SEC61A2: variants seen among roughly 807,000 people sequenced by gnomAD.
SEC61A2 encodes the protein protein transport protein Sec61 subunit alpha isoform 2.
In SEC61A2, 28 loss-of-function variants were observed where a neutral mutation model predicts 59.9. The observed-to-expected ratio is 0.47, with a 90% CI of 0.35 to 0.64. The LOEUF is 0.64. SEC61A2 is among the 30% of genes least tolerant of loss of function. The probability of loss-of-function intolerance (pLI) is 0.01; values close to 1 mark genes in which losing one functional copy is unlikely to be tolerated. For synonymous variants in SEC61A2, 202 were observed against 214.4 expected, an observed-to-expected ratio of 0.94 and a Z score of 0.50; for missense variants, 340 against 585.9, an observed-to-expected ratio of 0.58 and a Z score of 4.33.
downstream of SEC61A2, chr10:12,166,799 A>G: frequency 2.1e-6 from 1 of 478,372 alleles, no homozygotes; most frequent in South Asian, 1.5e-5. Context: ...AAAATGGCCC[A>G]GGAACACTGG....
chr10:12,143,918 A>G lies in SEC61A2; in HGVS notation c.220+723A>G, dbSNP rs1202249029. On this transcript the variant is annotated intron_variant, in intron 4 of 11. Coordinates refer to ENST00000298428, the MANE Select transcript of SEC61A2 (RefSeq NM_018144.4). The surrounding 1 kb of genome is among the most constrained non-coding windows in gnomAD (Gnocchi z 4.8). ...GGAACAGTGGTTGCCTCTTTTTTGGAAACACTTTTTTCAGGCGATCCTCCC... is the reference window on the plus strand; with the variant it reads ...GGAACAGTGGTTGCCTCTTTTTTGGGAACACTTTTTTCAGGCGATCCTCCC... Among the ~76,000 whole-genome samples, 1 of 151,962 alleles carries G rather than the reference A, an allele frequency of 6.6e-6. No homozygotes were observed. Among genetic ancestry groups the G allele is most frequent in the African/African-American group, 2.4e-5 (1 of 41,370 alleles).
Position 12,162,277 on chromosome 10 carries a change from A to G in SEC61A2, c.1232A>G (p.His411Arg). The change falls in exon 11 of 12, where the codon CAT (histidine) becomes CGT (arginine). Residue 411 changes from histidine to arginine, a missense_variant. This residue lies in a region of SEC61A2 where 283 missense variants were observed against 483.2 expected (regional missense o/e 0.59). Transcript: ENST00000298428. This position sits in a 1 kb window ranked among gnomAD's most constrained non-coding sequence, Gnocchi z 6.1. Reference sequence around the variant, plus strand: ...GGCCACCGAGATACCTCTATGGTTCATGAGCTTAATAGGTAAGGCTGCTAG... The same window carrying G: ...GGCCACCGAGATACCTCTATGGTTCGTGAGCTTAATAGGTAAGGCTGCTAG... ...MRGHRDTSMV[H>R]ELNRYIPTAA... 3.1e-6 allele frequency: 5 copies of G among 1,613,374 alleles called. No individual in the cohort carries two copies. The highest frequency in any genetic ancestry group is 4.2e-6 in the Non-Finnish European group (5 of 1,179,398).
chr10:12,134,421 C>G, intron 2 of SEC61A2, among the ~76,000 whole-genome samples: 1 of 152,208 alleles, frequency 6.6e-6, no homozygotes, highest in Non-Finnish European at 1.5e-5. Context: ...CTGTCACCAG[C>G]AGGCCCACCT....
In SEC61A2 at chr10:12,158,504, G is replaced by T. The variant is rs1203990902; in HGVS notation, c.975+399G>T. On this transcript the variant is annotated intron_variant, in intron 9 of 11. Transcript: ENST00000298428. The surrounding 1 kb of genome is among the most constrained non-coding windows in gnomAD (Gnocchi z 5.7). ...CCAGGACTTTGGGAGGCTGAGGTGGGTGGATCACCTGAGGTCAGGAGTTCG... is the reference window on the plus strand; with the variant it reads ...CCAGGACTTTGGGAGGCTGAGGTGGTTGGATCACCTGAGGTCAGGAGTTCG... 6.6e-6 allele frequency among the ~76,000 whole-genome samples: 1 copy of T among 152,188 alleles called. No homozygotes were observed. Among genetic ancestry groups the T allele is most frequent in the Non-Finnish European group, 1.5e-5 (1 of 68,042 alleles).
intron 3 of SEC61A2, among the ~76,000 whole-genome samples, chr10:12,141,877 C>G (rs113069351): frequency 1.3e-5 from 2 of 152,090 alleles, no homozygotes; most frequent in East Asian, 1.9e-4. Flanking sequence ...CAAAATGACC[C>G]GCAAACACTG....
In SEC61A2 at chr10:12,145,747, G is replaced by C. The variant is rs2131662585; in HGVS notation, c.220+2552G>C. On this transcript the variant is annotated intron_variant, in intron 4 of 11. Transcript: ENST00000298428. This position sits in a 1 kb window ranked among gnomAD's most constrained non-coding sequence, Gnocchi z 4.4. The stretch of plus-strand genomic sequence containing the variant: ...CTCTCTCCAGCCTTGTTAGGATGTT[G>C]GAACATTACCCATCTGACATGAAAA... 6.6e-6 allele frequency among the ~76,000 whole-genome samples: 1 copy of C among 152,182 alleles called. No homozygotes were observed. Among genetic ancestry groups the C allele is most frequent in the East Asian group, 1.9e-4 (1 of 5,182 alleles).
chr10:12,163,313 T>C (rs984221899), intron 11 of SEC61A2, among the ~76,000 whole-genome samples: 2 of 1,264 alleles, frequency 1.6e-3, no homozygotes, highest in Non-Finnish European at 2.7e-3. Flanking sequence ...GCCAGCTAGC[T>C]TTTTTTTTTT....
chr10:12,139,892 C>T (rs990687057), intron 3 of SEC61A2, among the ~76,000 whole-genome samples: 5 of 151,290 alleles, frequency 3.3e-5, no homozygotes, highest in African/African-American at 1.2e-4. Context: ...TGGCGTGAAC[C>T]CGGGAGGCGG....
Position 12,156,810 on chromosome 10 carries a change from T to A in SEC61A2, c.617-97T>A. 1 of 1,218,412 alleles carries A rather than the reference T, an allele frequency of 8.2e-7. No homozygotes were observed. The highest frequency in any genetic ancestry group is 1.2e-6 in the Non-Finnish European group (1 of 857,416). The allele number at this position is 1,218,412 out of a possible 1,614,324, so 75.5% of individuals were successfully genotyped here. A position where few individuals can be genotyped will look rare whatever the true frequency, so the allele number is the denominator to read the frequency against. ...CATTGGCGAATTCTTTTGACCCATATTTTCTGCTGTATACTGGACTTTCAC... is the reference window on the plus strand; with the variant it reads ...CATTGGCGAATTCTTTTGACCCATAATTTCTGCTGTATACTGGACTTTCAC... On this transcript the variant is annotated intron_variant, in intron 7 of 11. Transcript: ENST00000298428. The surrounding 1 kb of genome is among the most constrained non-coding windows in gnomAD (Gnocchi z 5.2).
intron 1 of SEC61A2, among the ~76,000 whole-genome samples, chr10:12,132,400 C>T (rs892229905): frequency 1.3e-5 from 2 of 151,926 alleles, no homozygotes; most frequent in Non-Finnish European, 1.5e-5. Context: ...GATCGCTTGA[C>T]GTTAGGAGTT....
intron 4 of SEC61A2, among the ~76,000 whole-genome samples, chr10:12,148,543 C>CA (rs1554798650): frequency 6.9e-6 from 1 of 145,092 alleles, no homozygotes; most frequent in Non-Finnish European, 1.5e-5. Flanking sequence ...CCACACCCGG[C>CA]TTTTTTTTTT....
chr10:12,152,148 A>G lies in SEC61A2; in HGVS notation c.462+2187A>G, dbSNP rs1834289709. On this transcript the variant is annotated intron_variant, in intron 6 of 11. Coordinates refer to ENST00000298428, the MANE Select transcript of SEC61A2 (RefSeq NM_018144.4). The surrounding 1 kb of genome is among the most constrained non-coding windows in gnomAD (Gnocchi z 5.5). ...TCCCAGACTAAAGTGCAGTGGTGCAATCTTGGCTCACTGCAACCTCCGCCT... is the reference window on the plus strand; with the variant it reads ...TCCCAGACTAAAGTGCAGTGGTGCAGTCTTGGCTCACTGCAACCTCCGCCT... Among the ~76,000 whole-genome samples the G allele has an allele frequency of 6.7e-6, 1 of 150,336 alleles. No individual in the cohort carries two copies. The highest frequency in any genetic ancestry group is 1.5e-5 in the Non-Finnish European group (1 of 67,714).
intron 3 of SEC61A2, among the ~76,000 whole-genome samples, chr10:12,139,968 CAAAAA>C (rs776277274): frequency 1.9e-5 from 1 of 52,578 alleles, no homozygotes. Flanking sequence ...GACTCCATCT[CAAAAA>C]AAAAAAAAAA....
In SEC61A2 at chr10:12,158,083, T is replaced by C. The variant is rs138748057; in HGVS notation, c.953T>C (p.Val318Ala). The C allele has an allele frequency of 3.1e-6, 5 of 1,613,514 alleles. No homozygotes were observed. Among genetic ancestry groups the C allele is most frequent in the Non-Finnish European group, 4.2e-6 (5 of 1,179,486 alleles). ...GTTCGATTTAGTGGCAACTTTTTAGTAAATTTACTAGGACAGTGGGCCGTG... is the reference window on the plus strand; with the variant it reads ...GTTCGATTTAGTGGCAACTTTTTAGCAAATTTACTAGGACAGTGGGCCGTG... ...LSVRFSGNFL[V>A]NLLGQWADVS... Residue 318 changes from valine to alanine, a missense_variant, in exon 9 of 12, where the codon GTA becomes GCA. Around this residue, in one of 3 missense-constraint regions of SEC61A2, gnomAD observed 283 missense variants for 483.2 expected, o/e 0.59. Transcript: ENST00000298428. This position sits in a 1 kb window ranked among gnomAD's most constrained non-coding sequence, Gnocchi z 5.7.
In SEC61A2 at chr10:12,143,717, A is replaced by G. The variant is rs1215209047; in HGVS notation, c.220+522A>G. On this transcript the variant is annotated intron_variant, in intron 4 of 11. Transcript: ENST00000298428. The surrounding 1 kb of genome is among the most constrained non-coding windows in gnomAD (Gnocchi z 4.8). ...CACTGCAATCCAGCCTGGGTAACAG[A>G]GTAAGACTCTGCCTCCAAAAAAAAA... Among the ~76,000 whole-genome samples the G allele has an allele frequency of 6.6e-6, 1 of 151,838 alleles. No homozygotes were observed. The highest frequency in any genetic ancestry group is 2.4e-5 in the African/African-American group (1 of 41,328).
Position 12,155,807 on chromosome 10 carries a change from G to A in SEC61A2, c.492G>A (p.Leu164=). The change falls in exon 7 of 12, where the codon CTG becomes CTA. Residue 164 remains leucine (L), a synonymous_variant. Coordinates refer to ENST00000298428, the MANE Select transcript of SEC61A2 (RefSeq NM_018144.4). This position sits in a 1 kb window ranked among gnomAD's most constrained non-coding sequence, Gnocchi z 4.3. Reference sequence around the variant, plus strand: ...TTGTTGCTGGTTTGATTGTGCTGCTGTTAGATGAGCTGCTACAGAAGGGTT... The same window carrying A: ...TTGTTGCTGGTTTGATTGTGCTGCTATTAGATGAGCTGCTACAGAAGGGTT... The part of the protein sequence containing the change: ...QLFVAGLIVL[L]LDELLQKGYG... The A allele has an allele frequency of 1.2e-6, 2 of 1,614,226 alleles. No homozygotes were observed. Among genetic ancestry groups the A allele is most frequent in the Non-Finnish European group, 1.7e-6 (2 of 1,180,038 alleles).
intron 3 of SEC61A2, among the ~76,000 whole-genome samples, chr10:12,140,720 G>A (rs937137041): frequency 3.3e-5 from 5 of 150,904 alleles, no homozygotes; most frequent in Admixed American, 6.6e-5. Context: ...CTCAGCCCCC[G>A]GAGTAGCTGG....
Position 12,136,142 on chromosome 10 carries a change from C to T in SEC61A2, c.113C>T (p.Thr38Met), listed in dbSNP as rs2131645940. 1 of 1,601,274 alleles carries T rather than the reference C, an allele frequency of 6.2e-7. No homozygotes were observed. The highest frequency in any genetic ancestry group is 8.6e-7 in the Non-Finnish European group (1 of 1,168,394). ...FREKVLWTAI[T>M]LFIFLVCCQI... ...GAGAAGGTTCTGTGGACTGCTATAACGCTCTTCATTTTCTTAGTGTGTTGT... is the reference window on the plus strand; with the variant it reads ...GAGAAGGTTCTGTGGACTGCTATAATGCTCTTCATTTTCTTAGTGTGTTGT... Residue 38 changes from threonine (T) to methionine (M), a missense_variant, in exon 3 of 12, where the codon ACG (threonine) becomes ATG (methionine). By Grantham distance (81) the Thr-to-Met change is moderately conservative. This residue lies in a region of SEC61A2 where 41 missense variants were observed against 47.6 expected (regional missense o/e 0.86). Coordinates refer to ENST00000298428, the MANE Select transcript of SEC61A2 (RefSeq NM_018144.4).
At chr10:12,169,578 C>G, downstream of SEC61A2, 1 of 407,858 alleles carries the variant, frequency 2.5e-6, no homozygotes, top group South Asian at 4.0e-5. The surrounding 1 kb of genome is among the most constrained non-coding windows in gnomAD (Gnocchi z 4.8). Context: ...ACTATTGTAT[C>G]TATTCAGTAT....
Sources: allele counts gnomAD v4.1 joint callset (sites outside exome capture counted in the v4.1 genomes callset), GRCh38; gene constraint gnomAD v4.1.1; regional missense constraint gnomAD v4.1.1; non-coding constraint Gnocchi (gnomAD v3.1); transcripts MANE v1.5; gene names NCBI Gene and HGNC (gene_info 2026-07-23, HGNC 2026-07-21).